The following CECR2 variants were observed in gnomAD, a reference collection of about 807,000 sequenced individuals.
CECR2 encodes the protein chromatin remodeling regulator CECR2.
Under a neutral mutation model 154.5 loss-of-function variants are expected in CECR2, and 30 were observed. That is an observed-to-expected ratio of 0.19 (90% CI 0.15 to 0.26). The LOEUF (loss-of-function observed/expected upper bound fraction) is 0.26, where lower values mean the gene tolerates loss of function less well. CECR2 is among the 10% of genes least tolerant of loss of function. The pLI, the probability that CECR2 is intolerant of heterozygous loss-of-function variation, is 1.00. For missense variants in CECR2, 1,743 were observed against 1,829.3 expected, an observed-to-expected ratio of 0.95 and a Z score of 0.86; for synonymous variants, 725 against 683.7, an observed-to-expected ratio of 1.06 and a Z score of -0.94.
intron 1 of CECR2, among the ~76,000 whole-genome samples, chr22:17,388,599 T>G (rs997800374): frequency 5.3e-5 from 8 of 152,172 alleles, no homozygotes; most frequent in African/African-American, 1.4e-4. Context: ...TGAGATTAAA[T>G]TTTAGCTAGT....
rs764665700 is a variant in CECR2, at chr22:17,549,010, T to C, written c.3723T>C (p.Asn1241=). 11 of 1,613,822 alleles carry C rather than the reference T, an allele frequency of 6.8e-6. No individual in the cohort carries two copies. In the Admixed American group the frequency reaches 1.3e-4, roughly 20 times the overall value. ...CAAGGTCCCTCTTCTCAGATAAGAA[T>C]GCCATGGCCAGTCTGCAAGGCTGTG... ...PPPRSLFSDK[N]AMASLQGCET... The change falls in exon 17 of 19, where the codon AAT becomes AAC. Residue 1241 remains asparagine (N), a synonymous_variant. Coordinates refer to ENST00000262608, the MANE Select transcript of CECR2 (RefSeq NM_001290047.2).
At chr22:17,380,162 G>A (rs1018260475) in intron 1 of CECR2, among the ~76,000 whole-genome samples, 1 of 152,176 alleles carries the variant, frequency 6.6e-6, no homozygotes, top group Non-Finnish European at 1.5e-5. Context: ...TTGCAGCAAG[G>A]TGTTAAATCC....
intron 5 of CECR2, among the ~76,000 whole-genome samples, chr22:17,501,729 G>T (rs887076279): frequency 6.6e-6 from 1 of 152,116 alleles, no homozygotes; most frequent in Admixed American, 6.5e-5. Flanking sequence ...CTGTTTCCGG[G>T]TTTGTTAGGA....
chr22:17,434,298 G>A (rs866415703), intron 1 of CECR2, among the ~76,000 whole-genome samples: 12 of 152,296 alleles, frequency 7.9e-5, no homozygotes, highest in Middle Eastern at 3.4e-3. Context: ...TCCAGGAGAG[G>A]TCATGCTCTG....
intron 1 of CECR2, among the ~76,000 whole-genome samples, chr22:17,470,556 C>A (rs960452129): frequency 1.3e-5 from 2 of 152,146 alleles, no homozygotes; most frequent in Non-Finnish European, 2.9e-5. Context: ...CACTCACCAT[C>A]CCCCTACCTT....
intron 1 of CECR2, among the ~76,000 whole-genome samples, chr22:17,442,186 TC>T (rs1400813845): frequency 1.3e-5 from 2 of 152,150 alleles, no homozygotes; most frequent in African/African-American, 4.8e-5. Context: ...CTAGAAGAGT[TC>T]CGTGTGAAAT....
intron 1 of CECR2, among the ~76,000 whole-genome samples, chr22:17,382,054 ATTTTTTT>A (rs10680101): frequency 2.7e-5 from 4 of 146,176 alleles, no homozygotes; most frequent in African/African-American, 7.9e-5. Context: ...CGCCCTGCTA[ATTTTTTT>A]TTTTTTTTTT....
At chr22:17,482,439 T>TAC (rs2055342843) in intron 2 of CECR2, among the ~76,000 whole-genome samples, 3 of 152,342 alleles carry the variant, frequency 2.0e-5, no homozygotes. Context: ...TACCGTCATG[T>TAC]ACACTACATA....
At chr22:17,415,503 A>T (rs1215761884) in intron 1 of CECR2, among the ~76,000 whole-genome samples, 1 of 152,192 alleles carries the variant, frequency 6.6e-6, no homozygotes, top group Non-Finnish European at 1.5e-5. Flanking sequence ...TGGCCTCCCA[A>T]AGTGCTGGGA....
chr22:17,484,802 T>C lies in CECR2; in HGVS notation c.221+7120T>C, dbSNP rs1165701675. ...CTGAGGCATGAGAATTGCTTGAACC[T>C]GGAAGGCAGAGGTTGCAGTGAGCCG... On this transcript the variant is annotated intron_variant, in intron 2 of 18. Coordinates refer to ENST00000262608, the MANE Select transcript of CECR2 (RefSeq NM_001290047.2). Among the ~76,000 whole-genome samples, 4 of 152,230 alleles carry C rather than the reference T, an allele frequency of 2.6e-5. No individual in the cohort carries two copies. In the East Asian group the frequency reaches 5.8e-4, roughly 22 times the overall value.
chr22:17,382,511 G>T (rs1359818092), intron 1 of CECR2, among the ~76,000 whole-genome samples: 1 of 152,100 alleles, frequency 6.6e-6, no homozygotes, highest in Non-Finnish European at 1.5e-5. Flanking sequence ...TGAAATTTTT[G>T]GTTTCACAGG....
intron 17 of CECR2, among the ~76,000 whole-genome samples, chr22:17,550,874 G>A (rs916540047): frequency 9.9e-5 from 15 of 152,122 alleles, no homozygotes; most frequent in East Asian, 1.9e-4. Flanking sequence ...CCTGGGAGGC[G>A]GAGCTTGCAG....
At chr22:17,400,324 G>A (rs2053873089) in intron 1 of CECR2, among the ~76,000 whole-genome samples, 1 of 152,220 alleles carries the variant, frequency 6.6e-6, no homozygotes, top group Admixed American at 6.5e-5. Flanking sequence ...AAACAAAGCT[G>A]TCTGGGAAGG....
At chr22:17,481,049 T>TA (rs572712907) in intron 2 of CECR2, among the ~76,000 whole-genome samples, 4,358 of 92,058 alleles carry the variant, frequency 0.047, 303 homozygotes, top group East Asian at 0.24. Context: ...CTTTTTTTTT[T>TA]AAAAAAAAAA....
intron 5 of CECR2, among the ~76,000 whole-genome samples, 192 bp downstream of exon 5, chr22:17,500,927 C>T (rs2055726319): frequency 2.0e-5 from 3 of 152,184 alleles, no homozygotes. Flanking sequence ...GGCAAGTCAC[C>T]TCCCCTCTCT....
chr22:17,487,641 G>A (rs959309030), intron 2 of CECR2, among the ~76,000 whole-genome samples: 11 of 151,938 alleles, frequency 7.2e-5, no homozygotes, highest in African/African-American at 1.7e-4. Context: ...GCAGTGAGCC[G>A]AGATCGCGCC....
chr22:17,512,466 GC>G (rs1373061339), intron 8 of CECR2, among the ~76,000 whole-genome samples: 1 of 151,954 alleles, frequency 6.6e-6, no homozygotes, highest in African/African-American at 2.4e-5. Context: ...ACTTTAAGAG[GC>G]CAAGGCAGGT....
At chr22:17,406,712 T>C (rs1294508896) in intron 1 of CECR2, among the ~76,000 whole-genome samples, 1 of 152,220 alleles carries the variant, frequency 6.6e-6, no homozygotes, top group Non-Finnish European at 1.5e-5. Flanking sequence ...AGCTCTTTCT[T>C]CTAGCTGAAG....
chr22:17,433,962 G>A (rs192908131), intron 1 of CECR2, among the ~76,000 whole-genome samples: 350 of 152,114 alleles, frequency 2.3e-3, no homozygotes, highest in Non-Finnish European at 3.9e-3. Context: ...TTAAAAGGGC[G>A]GTAATGAAAA....
Sources: allele counts gnomAD v4.1 joint callset (sites outside exome capture counted in the v4.1 genomes callset), GRCh38; gene constraint gnomAD v4.1.1; transcripts MANE v1.5; gene names NCBI Gene and HGNC (gene_info 2026-07-23, HGNC 2026-07-21).